The following ADARB1 variants were observed in gnomAD, a reference collection of about 807,000 sequenced individuals.
ADARB1 encodes the protein double-stranded RNA-specific editase 1.
ADARB1 carries 10 observed loss-of-function variants against 52.4 expected under a neutral mutation model. The observed-to-expected ratio is 0.19, with a 90% confidence interval of 0.12 to 0.32. ADARB1 has a LOEUF of 0.32. Ranked by LOEUF, ADARB1 falls within the 10% of genes least tolerant of loss-of-function variation. The pLI is 1.00. For synonymous variants in ADARB1, 349 were observed against 371.1 expected, an observed-to-expected ratio of 0.94 and a Z score of 0.68; for missense variants, 643 against 922.3, an observed-to-expected ratio of 0.70 and a Z score of 3.92.
chr21:45,106,343 A>G (rs897351998), intron 1 of ADARB1, among the ~76,000 whole-genome samples: 3 of 152,180 alleles, frequency 2.0e-5, no homozygotes, highest in African/African-American at 4.8e-5. Context: ...AAGTACAGAT[A>G]TCATCTGTCA....
Position 45,201,267 on chromosome 21 carries a change from G to A in ADARB1, c.1566-3288G>A, listed in dbSNP as rs548167928. Among the ~76,000 whole-genome samples the A allele has an allele frequency of 1.8e-4, 27 of 152,338 alleles. No individual in the cohort carries two copies. The South Asian group carries it at 2.1e-3, about 12-fold the overall frequency. ...CATCCTGATGAAGTTTGTCCCAGCT[G>A]TCCTTTGTGAGGTGCATTAGTGGAA... On this transcript the variant is annotated intron_variant, in intron 8 of 10. Coordinates refer to ENST00000348831, the MANE Select transcript of ADARB1 (RefSeq NM_001112.4).
chr21:45,109,237 GTGTGTGCGCGCGTGTGCGTA>G (rs1987232489), intron 1 of ADARB1, among the ~76,000 whole-genome samples: 5 of 144,820 alleles, frequency 3.5e-5, no homozygotes, highest in Non-Finnish European at 7.6e-5. Context: ...GTGTGTATAT[GTGTGTGCGCGCGTGTGCGTA>G]TGTGTGTGCA....
At position 45,225,542 on chromosome 21, in the gene ADARB1, C is replaced by CA; in HGVS notation, c.*3346dup. On this transcript the variant is annotated 3_prime_UTR_variant, in exon 11 of 11. Transcript: ENST00000348831. The stretch of plus-strand genomic sequence containing the variant: ...GACAGTGTCTCTCCTTGTAATCTCA[C>CA]ACAGGTACACTGAGGAGGGGACGGC... The CA allele has an allele frequency of 7.5e-7, 1 of 1,338,100 alleles. No homozygotes were observed. 82.9% of individuals were successfully genotyped at this position (1,338,100 alleles called of 1,614,324 possible).
chr21:45,130,654 T>C (rs1047935578), intron 2 of ADARB1, among the ~76,000 whole-genome samples: 11 of 152,352 alleles, frequency 7.2e-5, no homozygotes, highest in African/African-American at 2.2e-4. Flanking sequence ...TCAGCCTCAC[T>C]GCACTGTCTG....
intron 1 of ADARB1, among the ~76,000 whole-genome samples, chr21:45,079,779 G>A (rs1002336789): frequency 2.0e-5 from 3 of 152,304 alleles, no homozygotes; most frequent in Non-Finnish European, 2.9e-5. Flanking sequence ...AGTAGAGAAA[G>A]GTGAATATGG....
chr21:45,186,522 C>A (rs1458312654), intron 8 of ADARB1, among the ~76,000 whole-genome samples: 6 of 152,230 alleles, frequency 3.9e-5, no homozygotes, highest in African/African-American at 1.4e-4. Context: ...TTGACACTTA[C>A]ACCAATAGTG....
At chr21:45,116,409 A>G (rs989345489) in intron 1 of ADARB1, among the ~76,000 whole-genome samples, 6 of 152,248 alleles carry the variant, frequency 3.9e-5, no homozygotes, top group Admixed American at 6.5e-5. Flanking sequence ...CAGTATGCTT[A>G]TTACAGACTG....
intron 9 of ADARB1, among the ~76,000 whole-genome samples, chr21:45,214,609 G>A (rs2092828141): frequency 6.6e-6 from 1 of 152,170 alleles, no homozygotes; most frequent in Non-Finnish European, 1.5e-5. Context: ...ATATCCAGTT[G>A]ATTTAGCACC....
At chr21:45,139,923 C>T (rs941721665) in intron 2 of ADARB1, among the ~76,000 whole-genome samples, 24 of 135,860 alleles carry the variant, frequency 1.8e-4, no homozygotes, top group African/African-American at 5.5e-4. Flanking sequence ...AATGTACAGA[C>T]AATAAAACTC....
intron 1 of ADARB1, chr21:45,116,958 T>C (rs952226743): frequency 6.6e-6 from 1 of 152,202 alleles, no homozygotes; most frequent in Non-Finnish European, 1.5e-5. Flanking sequence ...GTGGTTACTC[T>C]ACCTATTTGT....
At chr21:45,092,383 T>G (rs2086592374) in intron 1 of ADARB1, among the ~76,000 whole-genome samples, 1 of 152,230 alleles carries the variant, frequency 6.6e-6, no homozygotes, top group Admixed American at 6.5e-5. Flanking sequence ...TTACAACTGT[T>G]TGATGAGAGA....
At chr21:45,170,090 A>G (rs2146105007) in intron 2 of ADARB1, among the ~76,000 whole-genome samples, 1 of 152,386 alleles carries the variant, frequency 6.6e-6, no homozygotes, top group South Asian at 2.1e-4. Context: ...AATTGTATCA[A>G]GAACTCTGCA....
intron 8 of ADARB1, among the ~76,000 whole-genome samples, chr21:45,194,163 G>A (rs2092369916): frequency 6.6e-6 from 1 of 152,156 alleles, no homozygotes; most frequent in Admixed American, 6.5e-5. Flanking sequence ...AGGTTTATAG[G>A]AAAATTGAGT....
intron 1 of ADARB1, among the ~76,000 whole-genome samples, chr21:45,127,111 A>G (rs8132454): frequency 0.067 from 10,194 of 152,264 alleles, 401 homozygotes; most frequent in East Asian, 0.15. Context: ...TGTTCAGCTC[A>G]TGCTCACTCG....
chr21:45,130,171 G>T (rs969280992), intron 2 of ADARB1, among the ~76,000 whole-genome samples: 2 of 152,182 alleles, frequency 1.3e-5, no homozygotes, highest in African/African-American at 4.8e-5. Flanking sequence ...GTTTAATATT[G>T]CTAAGTTAAG....
intron 2 of ADARB1, among the ~76,000 whole-genome samples, chr21:45,137,706 G>A (rs977759969): frequency 6.6e-6 from 1 of 152,114 alleles, no homozygotes; most frequent in African/African-American, 2.4e-5. Context: ...GGTGGGTGTG[G>A]AGGGGAGGAA....
At chr21:45,123,228 TG>T (rs1247635144) in intron 1 of ADARB1, among the ~76,000 whole-genome samples, 10 of 152,186 alleles carry the variant, frequency 6.6e-5, no homozygotes, top group African/African-American at 2.4e-4. Flanking sequence ...TGCTCCTCCC[TG>T]ATGATAACTC....
intron 9 of ADARB1, among the ~76,000 whole-genome samples, chr21:45,216,528 C>G (rs1003520480): frequency 1.1e-4 from 16 of 152,120 alleles, no homozygotes; most frequent in Admixed American, 2.0e-4. Context: ...TTTCAAAATA[C>G]TAGGGATTTT....
Position 45,225,658 on chromosome 21 carries a change from A to T in ADARB1, c.*3461A>T. The T allele has an allele frequency of 9.5e-7, 1 of 1,052,636 alleles. No individual in the cohort carries two copies. Among genetic ancestry groups the T allele is most frequent in the Non-Finnish European group, 1.3e-6 (1 of 786,238 alleles). 65.2% of individuals were successfully genotyped at this position (1,052,636 alleles called of 1,614,324 possible). A position where few individuals can be genotyped will look rare whatever the true frequency, so the allele number is the denominator to read the frequency against. ...GACCTGCCCATGTCTCAAAACAAAC[A>T]CATGTACAGTGGCTCTTTTTCCTTC... is the stretch of plus-strand genomic sequence containing the variant. On this transcript the variant is annotated 3_prime_UTR_variant, in exon 11 of 11. Coordinates refer to ENST00000348831, the MANE Select transcript of ADARB1 (RefSeq NM_001112.4).
Sources: allele counts gnomAD v4.1 joint callset (sites outside exome capture counted in the v4.1 genomes callset), GRCh38; gene constraint gnomAD v4.1.1; transcripts MANE v1.5; gene names NCBI Gene and HGNC (gene_info 2026-07-23, HGNC 2026-07-21).